The following ROR1 variants were observed in gnomAD, a reference collection of about 807,000 sequenced individuals.
The protein encoded by ROR1 is inactive tyrosine-protein kinase transmembrane receptor ROR1.
A neutral mutation model predicts 78.8 loss-of-function variants in ROR1; 19 were observed. The ratio of observed to expected loss-of-function variants is 0.24; its 90% CI spans 0.17 to 0.35. ROR1 has a LOEUF of 0.35. Ranked by LOEUF, ROR1 falls within the 10% of genes least tolerant of loss-of-function variation. The pLI, the probability that ROR1 is intolerant of heterozygous loss-of-function variation, is 1.00. For synonymous variants in ROR1, 386 were observed against 433.6 expected (o/e 0.89, Z 1.36); for missense variants, 917 against 1,177.8 (o/e 0.78, Z 3.24).
intron 3 of ROR1, among the ~76,000 whole-genome samples, chr1:64,050,234 A>C (rs1646817956): frequency 1.3e-5 from 2 of 152,208 alleles, no homozygotes. Context: ...AGAGCCCCTA[A>C]TTGAAACCAT....
At chr1:63,891,243 G>A (rs925443182) in intron 1 of ROR1, among the ~76,000 whole-genome samples, 1 of 152,120 alleles carries the variant, frequency 6.6e-6, no homozygotes, top group Non-Finnish European at 1.5e-5. Flanking sequence ...GGGCCCTGTT[G>A]TTACAAGAAA....
chr1:63,834,636 G>A (rs1645009187), intron 1 of ROR1, among the ~76,000 whole-genome samples: 1 of 152,212 alleles, frequency 6.6e-6, no homozygotes. Flanking sequence ...CCAAAACCAA[G>A]AGTTATTACA....
chr1:63,904,051 A>T (rs547411195), intron 1 of ROR1, among the ~76,000 whole-genome samples: 46 of 152,140 alleles, frequency 3.0e-4, no homozygotes, highest in Non-Finnish European at 6.0e-4. Context: ...TTGATAGAAG[A>T]GGAGAACAGT....
chr1:63,976,870 T>C (rs1320265409), intron 1 of ROR1, among the ~76,000 whole-genome samples: 4 of 152,322 alleles, frequency 2.6e-5, no homozygotes, highest in African/African-American at 9.6e-5. Flanking sequence ...TTATGTTTCA[T>C]ATACACCTAT....
intron 1 of ROR1, among the ~76,000 whole-genome samples, chr1:63,801,665 A>G (rs190209200): frequency 8.5e-5 from 13 of 152,294 alleles, no homozygotes; most frequent in African/African-American, 2.9e-4. Flanking sequence ...CCTCCCATTT[A>G]TTCTGATAAT....
chr1:64,060,001 T>A (rs1182499857), intron 4 of ROR1, among the ~76,000 whole-genome samples: 2 of 3,336 alleles, frequency 6.0e-4, no homozygotes, highest in Non-Finnish European at 1.1e-3. Flanking sequence ...AAGCGTTAGT[T>A]TTTTTTTTCC....
At chr1:63,893,222 G>C (rs555821540) in intron 1 of ROR1, among the ~76,000 whole-genome samples, 2 of 152,216 alleles carry the variant, frequency 1.3e-5, no homozygotes, top group South Asian at 4.1e-4. Flanking sequence ...TGAGAGGGCA[G>C]TGAGGCGTGA....
At chr1:63,901,696 C>T (rs1291444535) in intron 1 of ROR1, among the ~76,000 whole-genome samples, 3 of 151,352 alleles carry the variant, frequency 2.0e-5, no homozygotes, top group South Asian at 2.1e-4. Flanking sequence ...GATACATTAG[C>T]CCTTTTAATT....
chr1:64,008,666 G>A (rs905438224), intron 1 of ROR1, among the ~76,000 whole-genome samples: 1 of 151,882 alleles, frequency 6.6e-6, no homozygotes, highest in African/African-American at 2.4e-5. Flanking sequence ...ATGGAGTCTC[G>A]CTATGTCAGC....
chr1:63,843,189 G>C, intron 1 of ROR1: 1 of 1,344,434 alleles, frequency 7.4e-7, no homozygotes. Flanking sequence ...GCCAGAACCG[G>C]CTCACAAAGG....
At chr1:63,827,887 GGA>G in intron 1 of ROR1, among the ~76,000 whole-genome samples, 1 of 152,238 alleles carries the variant, frequency 6.6e-6, no homozygotes, top group Middle Eastern at 3.4e-3. Flanking sequence ...ATAAAATTGT[GGA>G]AACCAAACTT....
chr1:63,796,691 G>A (rs1644763085), intron 1 of ROR1, among the ~76,000 whole-genome samples: 2 of 152,170 alleles, frequency 1.3e-5, no homozygotes, highest in South Asian at 2.1e-4. Context: ...CAGTTCCAGT[G>A]CTAGATATAC....
At chr1:64,006,527 C>G (rs1646428899) in intron 1 of ROR1, among the ~76,000 whole-genome samples, 1 of 152,132 alleles carries the variant, frequency 6.6e-6, no homozygotes, top group African/African-American at 2.4e-5. Flanking sequence ...CACGAAATAC[C>G]CGTTCCCCAA....
At chr1:64,058,476 T>C (rs1646891893) in intron 4 of ROR1, among the ~76,000 whole-genome samples, 1 of 152,074 alleles carries the variant, frequency 6.6e-6, no homozygotes, top group Admixed American at 6.6e-5. Context: ...TTTCCATAGA[T>C]GCCACTTATT....
intron 2 of ROR1, among the ~76,000 whole-genome samples, chr1:64,041,199 T>C (rs530043625): frequency 6.6e-6 from 1 of 152,268 alleles, no homozygotes; most frequent in South Asian, 2.1e-4. Context: ...TATGTATATA[T>C]ACAGGGTTCT....
chr1:63,967,340 G>A (rs1646083482), intron 1 of ROR1, among the ~76,000 whole-genome samples: 1 of 152,116 alleles, frequency 6.6e-6, no homozygotes, highest in African/African-American at 2.4e-5. Flanking sequence ...ACATATTAAA[G>A]ATACTATCCT....
chr1:63,806,349 G>A (rs997440516), intron 1 of ROR1, among the ~76,000 whole-genome samples: 3 of 141,524 alleles, frequency 2.1e-5, no homozygotes, highest in African/African-American at 5.4e-5. Flanking sequence ...ATGGAGTCTC[G>A]CTCTGTCGCC....
intron 7 of ROR1, among the ~76,000 whole-genome samples, chr1:64,155,665 T>G (rs751602366): frequency 6.6e-6 from 1 of 152,156 alleles, no homozygotes; most frequent in Non-Finnish European, 1.5e-5. Context: ...TAGACTCCTT[T>G]GTTTGCCAGG....
chr1:64,140,534 T>C, intron 6 of ROR1, 108 bp downstream of exon 6: 1 of 1,000,004 alleles, frequency 1.0e-6, no homozygotes, highest in South Asian at 1.6e-5. Flanking sequence ...TTAATCAAAT[T>C]ATTTTCCAAT....
Sources: allele counts gnomAD v4.1 joint callset (sites outside exome capture counted in the v4.1 genomes callset), GRCh38; gene constraint gnomAD v4.1.1; transcripts MANE v1.5; gene names NCBI Gene and HGNC (gene_info 2026-07-23, HGNC 2026-07-21).